The following CCDC6 variants were observed in gnomAD, a reference collection of about 807,000 sequenced individuals.
The protein encoded by CCDC6 is coiled-coil domain containing 6, also known as coiled-coil domain-containing protein 6.
CCDC6 carries 20 observed loss-of-function variants against 56.6 expected under a neutral mutation model. That is an observed-to-expected ratio of 0.35 (90% CI 0.25 to 0.51). CCDC6 has a LOEUF of 0.51. Ranked by LOEUF, CCDC6 falls within the 20% of genes least tolerant of loss-of-function variation. The pLI, the probability that CCDC6 is intolerant of heterozygous loss-of-function variation, is 0.95. For synonymous variants in CCDC6, 241 were observed against 234.4 expected, an observed-to-expected ratio of 1.03 and a Z score of -0.26; for missense variants, 367 against 601.1, an observed-to-expected ratio of 0.61 and a Z score of 4.07.
At chr10:59,837,762 A>AAAAG (rs2132647066) in intron 2 of CCDC6, among the ~76,000 whole-genome samples, 1 of 148,554 alleles carries the variant, frequency 6.7e-6, no homozygotes, top group East Asian at 2.0e-4. Context: ...AAAAAAAAAA[A>AAAAG]AAAAAAAAGA....
At chr10:59,880,996 C>G (rs2071328999) in intron 1 of CCDC6, among the ~76,000 whole-genome samples, 1 of 152,152 alleles carries the variant, frequency 6.6e-6, no homozygotes, top group African/African-American at 2.4e-5. Context: ...TCTGGCAGAG[C>G]AGAGCGTTGT....
intron 1 of CCDC6, among the ~76,000 whole-genome samples, chr10:59,865,978 G>A (rs1271862626): frequency 6.6e-6 from 1 of 151,978 alleles, no homozygotes; most frequent in Non-Finnish European, 1.5e-5. Context: ...GACATGGGCA[G>A]GGTGAACCTC....
intron 1 of CCDC6, among the ~76,000 whole-genome samples, chr10:59,871,836 T>C (rs2132668877): frequency 6.6e-6 from 1 of 152,120 alleles, no homozygotes; most frequent in South Asian, 2.1e-4. Flanking sequence ...ATTCCCCAAA[T>C]TCAGTTGCTA....
chr10:59,894,583 A>T (rs893871341), intron 1 of CCDC6, among the ~76,000 whole-genome samples: 2 of 152,290 alleles, frequency 1.3e-5, no homozygotes, highest in Admixed American at 6.5e-5. Context: ...TGAAAAAAAT[A>T]AAAAAACCCA....
rs1564755820 is a variant in CCDC6, at chr10:59,882,047, C to CGGGGAGA, written c.303+24074_303+24075insTCTCCCC. ...GCCGCGGGGAGAAGGAAAGGAAAGC[C>CGGGGAGA]AGGGGGAGAAGGAAAGGAAAGCCGC... is the stretch of plus-strand genomic sequence containing the variant. On this transcript the variant is annotated intron_variant, in intron 1 of 8. Coordinates refer to ENST00000263102, the MANE Select transcript of CCDC6 (RefSeq NM_005436.5). Among the ~76,000 whole-genome samples the CGGGGAGA allele has an allele frequency of 4.3e-4, 36 of 83,724 alleles. 3 individuals carry two copies. Among genetic ancestry groups the CGGGGAGA allele is most frequent in the Non-Finnish European group, 5.3e-4 (24 of 45,062 alleles). The allele number at this position is 83,724 out of a possible 152,430, so 54.9% of individuals were successfully genotyped here.
intron 2 of CCDC6, among the ~76,000 whole-genome samples, chr10:59,850,494 A>G (rs541747939): frequency 1.9e-4 from 29 of 152,296 alleles, no homozygotes; most frequent in South Asian, 1.7e-3. Flanking sequence ...GAGAACCCCA[A>G]TGTTTTCACA....
intron 1 of CCDC6, 83 bp downstream of exon 1, chr10:59,906,039 T>G (rs568056838): frequency 1.6e-6 from 2 of 1,213,562 alleles, no homozygotes; most frequent in Non-Finnish European, 2.3e-6. Flanking sequence ...TGGGGAAGAC[T>G]TGGGGGGTGG....
intron 2 of CCDC6, among the ~76,000 whole-genome samples, chr10:59,843,244 A>G (rs2070958309): frequency 6.6e-6 from 1 of 152,216 alleles, no homozygotes. Context: ...AACCATTTGG[A>G]CCTGGAATTC....
chr10:59,809,419 C>G (rs182047967), intron 5 of CCDC6, among the ~76,000 whole-genome samples: 1 of 152,140 alleles, frequency 6.6e-6, no homozygotes, highest in East Asian at 1.9e-4. Flanking sequence ...CTGCAGTGAT[C>G]GGCTGGGAAG....
chr10:59,851,069 G>A (rs1454133179), intron 2 of CCDC6, among the ~76,000 whole-genome samples: 1 of 144,360 alleles, frequency 6.9e-6, no homozygotes, highest in Non-Finnish European at 1.5e-5. Context: ...ATGATCTGGC[G>A]AGGTCTTGAC....
At position 59,906,213 on chromosome 10, in the gene CCDC6, T is replaced by C; in HGVS notation, c.212A>G (p.Lys71Arg). ...GGTCTCCAGCTCTATCTTCAGCACC[T>C]TGTTCTCTTGCTGCAGCGAGGCCAG... ...NRLASLQQENKVLKIELETYK... is the reference protein window; with the variant it reads ...NRLASLQQENRVLKIELETYK... The change falls in exon 1 of 9, where the codon AAG becomes AGG. Residue 71 changes from lysine (K) to arginine (R), a missense_variant. Lys to Arg is a conservative substitution (Grantham distance 26). Coordinates refer to ENST00000263102, the MANE Select transcript of CCDC6 (RefSeq NM_005436.5). 1 of 1,613,664 alleles carries C rather than the reference T, an allele frequency of 6.2e-7. No homozygotes were observed. Among genetic ancestry groups the C allele is most frequent in the Non-Finnish European group, 8.5e-7 (1 of 1,179,790 alleles).
Position 59,811,976 on chromosome 10 carries a change from T to C in CCDC6, c.847+659A>G, listed in dbSNP as rs143193600. On this transcript the variant is annotated intron_variant, in intron 5 of 8. Transcript: ENST00000263102. Reference sequence around the variant, plus strand: ...TGTATAATTGTGGGAACAGGGTAGCTAGAGAATAGGAATGAGAGAAAGACC... The same window carrying C: ...TGTATAATTGTGGGAACAGGGTAGCCAGAGAATAGGAATGAGAGAAAGACC... Among the ~76,000 whole-genome samples, 821 of 149,284 alleles carry C rather than the reference T, an allele frequency of 5.5e-3. 5 individuals are homozygous for C. The highest frequency in any genetic ancestry group is 0.011 in the South Asian group (52 of 4,768).
intron 1 of CCDC6, among the ~76,000 whole-genome samples, chr10:59,884,649 GA>G (rs5785416): frequency 2.0e-5 from 3 of 150,304 alleles, no homozygotes; most frequent in African/African-American, 7.4e-5. Context: ...GTGTAAAGTA[GA>G]AAAAAAAAAT....
chr10:59,829,959 T>G (rs1339543201), intron 3 of CCDC6, among the ~76,000 whole-genome samples: 1 of 152,172 alleles, frequency 6.6e-6, no homozygotes, highest in Non-Finnish European at 1.5e-5. Context: ...GATTATTAAG[T>G]AGAGGGAACG....
At chr10:59,836,737 C>T (rs796191728) in intron 2 of CCDC6, among the ~76,000 whole-genome samples, 7 of 152,222 alleles carry the variant, frequency 4.6e-5, no homozygotes, top group African/African-American at 1.4e-4. Flanking sequence ...CTTATTTGTG[C>T]TATATGTTAA....
intron 2 of CCDC6, among the ~76,000 whole-genome samples, chr10:59,843,924 C>T (rs1475168123): frequency 6.6e-6 from 1 of 152,152 alleles, no homozygotes; most frequent in Non-Finnish European, 1.5e-5. Flanking sequence ...TCTGCAGCCC[C>T]AGCTCCATAC....
At chr10:59,808,424 C>T (rs2070644965) in intron 5 of CCDC6, among the ~76,000 whole-genome samples, 1 of 152,226 alleles carries the variant, frequency 6.6e-6, no homozygotes, top group Admixed American at 6.5e-5. Context: ...AACCTCCCCA[C>T]CGCCCCCATT....
rs1192173745 is a variant in CCDC6 at position 59,877,515 on chromosome 10, T to C, written c.304-24813A>G. On this transcript the variant is annotated intron_variant, in intron 1 of 8. Coordinates refer to ENST00000263102, the MANE Select transcript of CCDC6 (RefSeq NM_005436.5). Reference sequence around the variant, plus strand: ...AGGGAAAACATTTCTATAAAAAAAATCTGCACCAGTGGAAACCCGCACCAG... The same window carrying C: ...AGGGAAAACATTTCTATAAAAAAAACCTGCACCAGTGGAAACCCGCACCAG... 2.6e-5 allele frequency among the ~76,000 whole-genome samples: 4 copies of C among 152,172 alleles called. No individual in the cohort carries two copies. In the East Asian group the frequency reaches 7.7e-4, roughly 29 times the overall value.
intron 1 of CCDC6, among the ~76,000 whole-genome samples, chr10:59,899,371 T>C (rs2071487515): frequency 1.3e-5 from 2 of 152,222 alleles, no homozygotes; most frequent in Admixed American, 6.5e-5. Context: ...CATTATTCCT[T>C]ACTCAGCCTG....
Sources: allele counts gnomAD v4.1 joint callset (sites outside exome capture counted in the v4.1 genomes callset), GRCh38; gene constraint gnomAD v4.1.1; transcripts MANE v1.5; gene names NCBI Gene and HGNC (gene_info 2026-07-23, HGNC 2026-07-21).